The following KCNU1 variants were observed in gnomAD, a reference collection of about 807,000 sequenced individuals.
The protein encoded by KCNU1 is potassium channel subfamily U member 1.
KCNU1 carries 93 observed loss-of-function variants against 126.8 expected under a neutral mutation model. That is an observed-to-expected ratio of 0.73 (90% confidence interval 0.62 to 0.87). The LOEUF is 0.87. KCNU1 is among the 40% of genes least tolerant of loss of function. The pLI, the probability that KCNU1 is intolerant of heterozygous loss-of-function variation, is 0.00. For missense variants in KCNU1, 1,330 were observed against 1,367.1 expected (o/e 0.97, Z 0.43); for synonymous variants, 523 against 494.2 (o/e 1.06, Z -0.77).
Position 36,836,440 on chromosome 8 carries a change from G to T in KCNU1, c.1365+75G>T, listed in dbSNP as rs115699263. ...TAGACGAACTTTTTAATTTTCTAAT[G>T]GATGTGTAAATAAAAAGTTTTTGCT... On this transcript the variant is annotated intron_variant, in intron 13 of 26. Coordinates refer to ENST00000399881, the MANE Select transcript of KCNU1 (RefSeq NM_001031836.3). 1,536 of 1,030,744 alleles carry T rather than the reference G, an allele frequency of 1.5e-3. 20 individuals are homozygous for T. The African/African-American group carries it at 0.022, about 15-fold the overall frequency. 63.8% of individuals were successfully genotyped at this position (1,030,744 alleles called of 1,614,324 possible).
chr8:36,788,485 C>T (rs1802790563), intron 2 of KCNU1, among the ~76,000 whole-genome samples: 1 of 152,170 alleles, frequency 6.6e-6, no homozygotes, highest in Non-Finnish European at 1.5e-5. Flanking sequence ...ATGCTGCCAT[C>T]AGTTGGTCTT....
intron 14 of KCNU1, among the ~76,000 whole-genome samples, chr8:36,838,830 GT>G (rs1804849984): frequency 6.6e-6 from 1 of 152,190 alleles, no homozygotes; most frequent in Non-Finnish European, 1.5e-5. Context: ...TCTCCATAAT[GT>G]TTTTTTGAGT....
chr8:36,855,967 C>T (rs73676535), intron 18 of KCNU1, among the ~76,000 whole-genome samples: 1 of 152,218 alleles, frequency 6.6e-6, no homozygotes, highest in African/African-American at 2.4e-5. Flanking sequence ...ATGTAGGGCA[C>T]AATTTAGTCC....
chr8:36,828,030 T>G (rs960552059), intron 10 of KCNU1, among the ~76,000 whole-genome samples: 4 of 152,136 alleles, frequency 2.6e-5, no homozygotes, highest in African/African-American at 9.6e-5. Flanking sequence ...ATATTACATG[T>G]TTTTGATATT....
chr8:36,867,923 C>A (rs1037811077), intron 19 of KCNU1, among the ~76,000 whole-genome samples: 2 of 152,096 alleles, frequency 1.3e-5, no homozygotes, highest in African/African-American at 4.8e-5. Flanking sequence ...ATGCTTTTGA[C>A]CCCAAGTAGA....
At chr8:36,816,680 G>A (rs946701009) in intron 9 of KCNU1, among the ~76,000 whole-genome samples, 1 of 152,192 alleles carries the variant, frequency 6.6e-6, no homozygotes, top group Non-Finnish European at 1.5e-5. Context: ...TATGTTTTCA[G>A]TTTTCTTCAA....
chr8:36,813,376 G>C (rs1029206813), intron 7 of KCNU1, among the ~76,000 whole-genome samples: 40 of 151,754 alleles, frequency 2.6e-4, no homozygotes, highest in African/African-American at 8.5e-4. Context: ...ATCATCTTTT[G>C]TGCTAAATAG....
chr8:36,900,480 C>T (rs1362441868), intron 19 of KCNU1, among the ~76,000 whole-genome samples: 1 of 151,992 alleles, frequency 6.6e-6, no homozygotes, highest in African/African-American at 2.4e-5. Flanking sequence ...TATTTGACTA[C>T]AATATGTGTA....
chr8:36,807,560 G>A (rs531899461), intron 6 of KCNU1, 110 bp downstream of exon 6: 40 of 819,794 alleles, frequency 4.9e-5, no homozygotes, highest in Non-Finnish European at 8.1e-5. Flanking sequence ...TCAGTGCAAA[G>A]ATCATGAAAT....
chr8:36,889,004 C>T, intron 19 of KCNU1: 1 of 415,138 alleles, frequency 2.4e-6, no homozygotes, highest in East Asian at 6.9e-5. Context: ...TCAGTCTCTT[C>T]AGTAGCTGAG....
intron 6 of KCNU1, among the ~76,000 whole-genome samples, chr8:36,808,468 A>G (rs1803586560): frequency 6.6e-6 from 1 of 152,124 alleles, no homozygotes; most frequent in Non-Finnish European, 1.5e-5. Context: ...AGTATATGTG[A>G]CTGGGCGAGT....
intron 10 of KCNU1, among the ~76,000 whole-genome samples, chr8:36,829,778 C>A (rs1368135291): frequency 1.3e-5 from 2 of 151,162 alleles, no homozygotes; most frequent in Non-Finnish European, 3.0e-5. Context: ...TTATTTAGTT[C>A]TCCTTTAGTA....
intron 18 of KCNU1, among the ~76,000 whole-genome samples, chr8:36,861,286 A>G (rs1172409637): frequency 6.6e-6 from 1 of 152,210 alleles, no homozygotes; most frequent in Non-Finnish European, 1.5e-5. Context: ...TATTCTTCTA[A>G]TGGTACAGTT....
intron 2 of KCNU1, among the ~76,000 whole-genome samples, chr8:36,797,912 G>A (rs1803163048): frequency 6.6e-6 from 1 of 152,100 alleles, no homozygotes; most frequent in Non-Finnish European, 1.5e-5. Context: ...TGTGAGGCGG[G>A]GCCAGAACTC....
At chr8:36,878,508 C>G (rs1401153282) in intron 19 of KCNU1, among the ~76,000 whole-genome samples, 3 of 152,062 alleles carry the variant, frequency 2.0e-5, no homozygotes, top group African/African-American at 7.2e-5. Flanking sequence ...TCTCAGTTTC[C>G]CAGTTTCTCA....
Position 36,905,813 on chromosome 8 carries a change from T to C in KCNU1, c.2106+9T>C, listed in dbSNP as rs749612484. 2 of 1,321,488 alleles carry C rather than the reference T, an allele frequency of 1.5e-6. No individual in the cohort carries two copies. The allele number at this position is 1,321,488 out of a possible 1,614,324, so 81.9% of individuals were successfully genotyped here. A position where few individuals can be genotyped will look rare whatever the true frequency, so the allele number is the denominator to read the frequency against. ...TGGACAAGGTGACTCTGGTAGGTGA[T>C]CTTGCATCATCAAATCTCAAATAAG... On this transcript the variant is annotated intron_variant, in intron 20 of 26. Coordinates refer to ENST00000399881, the MANE Select transcript of KCNU1 (RefSeq NM_001031836.3).
At chr8:36,885,596 C>A (rs1441321725) in intron 19 of KCNU1, among the ~76,000 whole-genome samples, 1 of 151,918 alleles carries the variant, frequency 6.6e-6, no homozygotes, top group Non-Finnish European at 1.5e-5. Flanking sequence ...AGTTCGAGAC[C>A]AGCCTGGCCA....
At chr8:36,856,704 T>G (rs370785014) in intron 18 of KCNU1, among the ~76,000 whole-genome samples, 2 of 152,314 alleles carry the variant, frequency 1.3e-5, no homozygotes, top group South Asian at 2.1e-4. Context: ...TTTTTTATTA[T>G]GCCTGAGTTA....
At chr8:36,822,201 A>G (rs935601770) in intron 10 of KCNU1, among the ~76,000 whole-genome samples, 2 of 151,844 alleles carry the variant, frequency 1.3e-5, no homozygotes, top group Non-Finnish European at 2.9e-5. Context: ...GCCTTGAAAT[A>G]TAACTATAAA....
Sources: allele counts gnomAD v4.1 joint callset (sites outside exome capture counted in the v4.1 genomes callset), GRCh38; gene constraint gnomAD v4.1.1; transcripts MANE v1.5; gene names NCBI Gene and HGNC (gene_info 2026-07-23, HGNC 2026-07-21).